SGCZ: variants seen among roughly 807,000 people sequenced by gnomAD.
SGCZ encodes zeta-sarcoglycan.
A neutral mutation model predicts 41.3 loss-of-function variants in SGCZ; 40 were observed. The observed-to-expected ratio is 0.97, with a 90% CI of 0.75 to 1.26. SGCZ has a LOEUF of 1.26. Among genes scored for constraint, SGCZ ranks in the 50% most tolerant of loss-of-function variants. The pLI is 0.00. For missense variants in SGCZ, 552 were observed against 369.8 expected, an observed-to-expected ratio of 1.49 and a Z score of -4.04; for synonymous variants, 206 against 137.5, an observed-to-expected ratio of 1.50 and a Z score of -3.49.
intron 1 of SGCZ, among the ~76,000 whole-genome samples, chr8:14,997,286 G>T (rs1802251324): frequency 6.6e-6 from 1 of 152,058 alleles, no homozygotes; most frequent in African/African-American, 2.4e-5. Context: ...TTATTTCTTT[G>T]CTATGAAACA....
chr8:15,006,045 T>C (rs922142546), intron 1 of SGCZ, among the ~76,000 whole-genome samples: 2 of 152,216 alleles, frequency 1.3e-5, no homozygotes, highest in African/African-American at 4.8e-5. Context: ...GTAATCACAT[T>C]GTTTATATTA....
At chr8:15,232,666 T>C (rs1045430852) in intron 1 of SGCZ, among the ~76,000 whole-genome samples, 3 of 123,060 alleles carry the variant, frequency 2.4e-5, no homozygotes, top group Admixed American at 2.4e-4. Context: ...TATACATATA[T>C]ATGTGTGTGT....
chr8:14,197,559 C>A (rs1452904646), intron 4 of SGCZ, among the ~76,000 whole-genome samples: 3 of 151,094 alleles, frequency 2.0e-5, no homozygotes, highest in East Asian at 1.9e-4. Flanking sequence ...TAAAAAAAAA[C>A]AAATAATTAT....
At chr8:14,220,147 C>G (rs1217092224) in intron 4 of SGCZ, among the ~76,000 whole-genome samples, 1 of 151,960 alleles carries the variant, frequency 6.6e-6, no homozygotes, top group Non-Finnish European at 1.5e-5. Flanking sequence ...AAACGTACAC[C>G]AAAAGGGAGG....
At chr8:14,133,468 A>G (rs1282724280) in intron 5 of SGCZ, among the ~76,000 whole-genome samples, 2 of 152,146 alleles carry the variant, frequency 1.3e-5, no homozygotes, top group African/African-American at 4.8e-5. Context: ...TAGTCTCCAG[A>G]CAGGTTACAA....
At chr8:14,426,623 C>A (rs995591131) in intron 2 of SGCZ, among the ~76,000 whole-genome samples, 13 of 152,024 alleles carry the variant, frequency 8.6e-5, no homozygotes, top group Non-Finnish European at 1.8e-4. Flanking sequence ...GGGAAAACTT[C>A]AAAATGCTGT....
intron 2 of SGCZ, among the ~76,000 whole-genome samples, chr8:14,415,051 A>G (rs919794118): frequency 1.3e-5 from 2 of 151,876 alleles, no homozygotes; most frequent in African/African-American, 4.8e-5. Flanking sequence ...CCTGCTACTT[A>G]TATCTTTTTT....
rs115406122 is a variant in SGCZ at position 14,212,566 on chromosome 8, C to T, written c.424+25026G>A. On this transcript the variant is annotated intron_variant, in intron 4 of 7. Coordinates refer to ENST00000382080, the MANE Select transcript of SGCZ (RefSeq NM_139167.4). The stretch of plus-strand genomic sequence containing the variant: ...GTAGGCCATAGCCTACACATTAAAC[C>T]TAAACCAGGTGGCGTGACTGATAAA... 3.4e-3 allele frequency among the ~76,000 whole-genome samples: 509 copies of T among 149,832 alleles called. 3 individuals are homozygous for T. The highest frequency in any genetic ancestry group is 8.2e-3 in the African/African-American group (334 of 40,918).
intron 1 of SGCZ, among the ~76,000 whole-genome samples, chr8:15,008,064 T>C (rs988446283): frequency 2.0e-5 from 3 of 152,280 alleles, no homozygotes; most frequent in Non-Finnish European, 2.9e-5. Context: ...TCTATAAAAA[T>C]ATCAAAAAAA....
intron 1 of SGCZ, among the ~76,000 whole-genome samples, chr8:15,108,400 C>G (rs989448999): frequency 1.3e-5 from 2 of 152,116 alleles, no homozygotes; most frequent in African/African-American, 4.8e-5. Context: ...GAATAAATAT[C>G]TTTACACACC....
chr8:14,459,380 C>T (rs555077427), intron 2 of SGCZ, among the ~76,000 whole-genome samples: 7 of 151,772 alleles, frequency 4.6e-5, no homozygotes, highest in African/African-American at 1.7e-4. Flanking sequence ...AACAAACCTG[C>T]ACATTGTGCA....
intron 2 of SGCZ, among the ~76,000 whole-genome samples, chr8:14,532,351 T>G (rs1244655752): frequency 6.6e-6 from 1 of 152,040 alleles, no homozygotes; most frequent in Non-Finnish European, 1.5e-5. Context: ...AGCTAACTAG[T>G]GGTCTTTAGC....
intron 1 of SGCZ, among the ~76,000 whole-genome samples, chr8:14,755,423 G>T (rs1378878394): frequency 1.1e-5 from 1 of 89,248 alleles, no homozygotes; most frequent in African/African-American, 4.9e-5. Flanking sequence ...TTTTTTAAGT[G>T]TCAGCTGGTT....
chr8:14,543,291 G>A (rs1337827368), intron 2 of SGCZ, among the ~76,000 whole-genome samples: 2 of 151,820 alleles, frequency 1.3e-5, no homozygotes, highest in Admixed American at 6.6e-5. Context: ...CTAGAAATTT[G>A]TTCAAATATT....
At chr8:14,566,220 T>C (rs947338381) in intron 1 of SGCZ, among the ~76,000 whole-genome samples, 2 of 152,250 alleles carry the variant, frequency 1.3e-5, no homozygotes, top group Non-Finnish European at 2.9e-5. Flanking sequence ...ACTAATAATT[T>C]TATTTTTATT....
At position 14,821,004 on chromosome 8, in the gene SGCZ, T is replaced by C. The variant is rs73201264; in HGVS notation, c.40-266078A>G. On this transcript the variant is annotated intron_variant, in intron 1 of 7. Coordinates refer to ENST00000382080, the MANE Select transcript of SGCZ (RefSeq NM_139167.4). The stretch of plus-strand genomic sequence containing the variant: ...AAGCTCAGAGCAGAGATAAGTAAAA[T>C]AGCGATTCAAAAAATGAAAAGATCA... Among the ~76,000 whole-genome samples, 764 of 148,700 alleles carry C rather than the reference T, an allele frequency of 5.1e-3. 2 individuals carry two copies. Among genetic ancestry groups the C allele is most frequent in the Non-Finnish European group, 8.9e-3 (600 of 67,170 alleles).
chr8:14,934,499 A>G (rs899468316), intron 1 of SGCZ, among the ~76,000 whole-genome samples: 20 of 151,834 alleles, frequency 1.3e-4, no homozygotes, highest in Admixed American at 2.6e-4. Context: ...TTAGCCACAG[A>G]TGAAGATATA....
chr8:14,896,129 ACTG>A (rs1466100760), intron 1 of SGCZ, among the ~76,000 whole-genome samples: 3 of 152,128 alleles, frequency 2.0e-5, no homozygotes, highest in Non-Finnish European at 4.4e-5. Context: ...AAGTGAAGAA[ACTG>A]CTATGGGTAG....
intron 2 of SGCZ, among the ~76,000 whole-genome samples, chr8:14,554,266 G>C (rs946466300): frequency 6.6e-6 from 1 of 151,990 alleles, no homozygotes; most frequent in African/African-American, 2.4e-5. Flanking sequence ...CAGGCTTTCA[G>C]ATTCAGTCAT....
Sources: gnomAD v4.1 joint callset for allele counts (sites outside exome capture counted in the v4.1 genomes callset) on GRCh38, gnomAD v4.1.1 for gene constraint, MANE v1.5 for transcripts, NCBI Gene and HGNC (gene_info 2026-07-23, HGNC 2026-07-21) for gene names.